The following CNTN5 variants were observed in gnomAD, a reference collection of about 807,000 sequenced individuals.
CNTN5 encodes the protein contactin 5, also known as contactin-5.
Under a neutral mutation model 129.1 loss-of-function variants are expected in CNTN5, and 77 were observed. That is an observed-to-expected ratio of 0.60 (90% confidence interval 0.50 to 0.72). The LOEUF (loss-of-function observed/expected upper bound fraction) is 0.72. CNTN5 is among the 30% of genes least tolerant of loss of function. The pLI is 0.00. For synonymous variants in CNTN5, 509 were observed against 465.6 expected (o/e 1.09, Z -1.20); for missense variants, 1,478 against 1,328.8 (o/e 1.11, Z -1.75).
At chr11:99,785,940 G>C (rs143137165) in intron 3 of CNTN5, among the ~76,000 whole-genome samples, 2 of 151,928 alleles carry the variant, frequency 1.3e-5, no homozygotes, top group Non-Finnish European at 2.9e-5. Flanking sequence ...TTTGAAAGCC[G>C]GCACAAGACA....
chr11:99,526,404 T>C (rs1947486962), intron 2 of CNTN5, among the ~76,000 whole-genome samples: 1 of 152,194 alleles, frequency 6.6e-6, no homozygotes, highest in Non-Finnish European at 1.5e-5. Flanking sequence ...AAATCATGCT[T>C]TTTACTGAAA....
chr11:99,786,619 A>G (rs530973420), intron 3 of CNTN5, among the ~76,000 whole-genome samples: 1 of 152,368 alleles, frequency 6.6e-6, no homozygotes, highest in Non-Finnish European at 1.5e-5. Flanking sequence ...ACAAAGCTGC[A>G]TTAATGGAAA....
chr11:99,851,177 A>G (rs1248350732), intron 6 of CNTN5, among the ~76,000 whole-genome samples: 3 of 152,118 alleles, frequency 2.0e-5, no homozygotes, highest in African/African-American at 7.2e-5. Flanking sequence ...AACATGGTTC[A>G]GCTTAGTTAG....
intron 2 of CNTN5, among the ~76,000 whole-genome samples, chr11:99,385,538 G>GTTAGA (rs1565539546): frequency 6.6e-6 from 1 of 152,172 alleles, no homozygotes; most frequent in African/African-American, 2.4e-5. Context: ...TTGAGTTATG[G>GTTAGA]TTAGATTGCA....
chr11:99,978,747 A>T (rs930529978), intron 8 of CNTN5, among the ~76,000 whole-genome samples: 3 of 152,174 alleles, frequency 2.0e-5, no homozygotes, highest in Non-Finnish European at 4.4e-5. Flanking sequence ...TGTCGCATTA[A>T]TCCTCATCAC....
chr11:99,739,762 AT>A (rs1410863798), intron 3 of CNTN5, among the ~76,000 whole-genome samples: 2 of 152,210 alleles, frequency 1.3e-5, no homozygotes, highest in East Asian at 1.9e-4. Flanking sequence ...ATTTAAAGAG[AT>A]TTTTGTAGCG....
chr11:99,955,816 G>A (rs998881910), intron 7 of CNTN5, among the ~76,000 whole-genome samples: 3 of 151,964 alleles, frequency 2.0e-5, no homozygotes, highest in African/African-American at 7.3e-5. Flanking sequence ...CGCCCGCCTC[G>A]GCCTCCTAAA....
chr11:99,871,316 T>A (rs2135812717), intron 6 of CNTN5, among the ~76,000 whole-genome samples: 1 of 152,162 alleles, frequency 6.6e-6, no homozygotes, highest in South Asian at 2.1e-4. Context: ...TAATGAGCAA[T>A]GAAGATTGAT....
At chr11:99,252,589 C>A (rs1862168212) in intron 1 of CNTN5, among the ~76,000 whole-genome samples, 1 of 151,556 alleles carries the variant, frequency 6.6e-6, no homozygotes, top group South Asian at 2.1e-4. Flanking sequence ...CTAGACCTAT[C>A]ATCTCACAAA....
chr11:99,750,407 C>T (rs1455637858), intron 3 of CNTN5, among the ~76,000 whole-genome samples: 2 of 152,076 alleles, frequency 1.3e-5, no homozygotes, highest in African/African-American at 4.8e-5. Flanking sequence ...CTATAAGCAT[C>T]CATTATAGCA....
intron 3 of CNTN5, among the ~76,000 whole-genome samples, chr11:99,624,281 T>C (rs1227749579): frequency 2.0e-5 from 3 of 152,090 alleles, no homozygotes; most frequent in Non-Finnish European, 2.9e-5. Context: ...CTTTTAAAAG[T>C]GAAACATTTT....
chr11:99,484,346 TA>T (rs1945723315), intron 2 of CNTN5, among the ~76,000 whole-genome samples: 1 of 152,082 alleles, frequency 6.6e-6, no homozygotes, highest in African/African-American at 2.4e-5. Flanking sequence ...TCACCCCTAC[TA>T]GAATAGCATT....
chr11:99,774,004 A>G (rs1857165028), intron 3 of CNTN5, among the ~76,000 whole-genome samples: 1 of 152,060 alleles, frequency 6.6e-6, no homozygotes, highest in Admixed American at 6.6e-5. Flanking sequence ...AGTTCCATTC[A>G]TCTCTCAAAA....
At chr11:99,479,878 A>AT (rs143970216) in intron 2 of CNTN5, among the ~76,000 whole-genome samples, 18,299 of 150,972 alleles carry the variant, frequency 0.12, 1,519 homozygotes, top group Middle Eastern at 0.29. Flanking sequence ...ACAGCTGTTT[A>AT]TTTTTTTTTG....
intron 3 of CNTN5, among the ~76,000 whole-genome samples, chr11:99,713,095 ATTAC>A (rs1350169780): frequency 6.6e-6 from 1 of 152,036 alleles, no homozygotes; most frequent in Non-Finnish European, 1.5e-5. Flanking sequence ...TTTTCACGGT[ATTAC>A]TTTTATCCTA....
chr11:100,007,091 CT>C (rs911337074), intron 9 of CNTN5, among the ~76,000 whole-genome samples: 30 of 151,662 alleles, frequency 2.0e-4, no homozygotes, highest in African/African-American at 6.8e-4. Context: ...TGAAAGGAGT[CT>C]TTTTTTCTGA....
intron 1 of CNTN5, among the ~76,000 whole-genome samples, chr11:99,117,200 C>A (rs895804649): frequency 6.6e-6 from 1 of 152,124 alleles, no homozygotes; most frequent in Non-Finnish European, 1.5e-5. Flanking sequence ...CTTCTCTCCC[C>A]ACCAAATTCA....
chr11:100,017,362 T>A (rs1940882040), intron 9 of CNTN5, among the ~76,000 whole-genome samples: 1 of 152,028 alleles, frequency 6.6e-6, no homozygotes, highest in South Asian at 2.1e-4. Context: ...TGCATACTTT[T>A]TTTGCATTTT....
chr11:99,279,916 G>C (rs115914881), intron 1 of CNTN5, among the ~76,000 whole-genome samples: 1 of 151,272 alleles, frequency 6.6e-6, no homozygotes, highest in Non-Finnish European at 1.5e-5. Context: ...AAATGTCTGC[G>C]TCATGGGGAA....
Sources: gnomAD v4.1 joint callset for allele counts (sites outside exome capture counted in the v4.1 genomes callset) on GRCh38, gnomAD v4.1.1 for gene constraint, MANE v1.5 for transcripts, NCBI Gene and HGNC (gene_info 2026-07-23, HGNC 2026-07-21) for gene names.